The following KCNMA1 variants were observed in gnomAD, a reference collection of about 807,000 sequenced individuals.
The protein encoded by KCNMA1 is potassium calcium-activated channel subfamily M alpha 1.
KCNMA1 carries 29 observed loss-of-function variants against 140.0 expected under a neutral mutation model. The ratio of observed to expected loss-of-function variants is 0.21; its 90% confidence interval spans 0.15 to 0.28. KCNMA1 has a LOEUF of 0.28. Ranked by LOEUF, KCNMA1 falls within the 10% of genes least tolerant of loss-of-function variation. The pLI is 1.00. For synonymous variants in KCNMA1, 612 were observed against 611.9 expected (o/e 1.00, Z 0.00); for missense variants, 880 against 1,602.2 (o/e 0.55, Z 7.70).
intron 1 of KCNMA1, among the ~76,000 whole-genome samples, chr10:77,535,470 T>C (rs2058686326): frequency 6.6e-6 from 1 of 152,254 alleles, no homozygotes; most frequent in South Asian, 2.1e-4. Flanking sequence ...ACAGCCACTA[T>C]GGAAAACAGT....
At chr10:76,985,308 A>G (rs929956292) in intron 19 of KCNMA1, among the ~76,000 whole-genome samples, 2 of 152,250 alleles carry the variant, frequency 1.3e-5, no homozygotes, top group Non-Finnish European at 2.9e-5. Context: ...ACAACGTGTT[A>G]TTAAAAGCCA....
At chr10:77,205,290 A>G (rs909164993) in intron 3 of KCNMA1, among the ~76,000 whole-genome samples, 3 of 152,208 alleles carry the variant, frequency 2.0e-5, no homozygotes, top group Non-Finnish European at 4.4e-5. Flanking sequence ...CACGAAGCAT[A>G]CTAGGAGCAA....
At chr10:76,973,738 A>G (rs1451933077) in intron 19 of KCNMA1, among the ~76,000 whole-genome samples, 1 of 152,206 alleles carries the variant, frequency 6.6e-6, no homozygotes, top group Non-Finnish European at 1.5e-5. Flanking sequence ...GCTTACTTCA[A>G]AATGATTACA....
intron 3 of KCNMA1, among the ~76,000 whole-genome samples, chr10:77,214,199 A>G (rs2046994504): frequency 2.6e-5 from 4 of 151,990 alleles, no homozygotes; most frequent in Admixed American, 2.0e-4. Flanking sequence ...GCAAACTGCT[A>G]TTTTTCTTGA....
At chr10:76,968,267 A>G (rs2074737762) in intron 20 of KCNMA1, among the ~76,000 whole-genome samples, 1 of 152,156 alleles carries the variant, frequency 6.6e-6, no homozygotes, top group Admixed American at 6.5e-5. Flanking sequence ...AAAAGCCTCC[A>G]CCTCATACAG....
intron 1 of KCNMA1, among the ~76,000 whole-genome samples, chr10:77,413,360 G>T (rs2096663448): frequency 6.6e-6 from 1 of 151,984 alleles, no homozygotes; most frequent in Non-Finnish European, 1.5e-5. Flanking sequence ...GGTCTTCCGT[G>T]TCCCCCCTCC....
chr10:77,017,259 T>A (rs1305329063), intron 17 of KCNMA1, among the ~76,000 whole-genome samples: 6 of 152,164 alleles, frequency 3.9e-5, no homozygotes, highest in African/African-American at 1.4e-4. Context: ...ATACGTGATA[T>A]ATGGTTCTCC....
At chr10:77,545,435 G>A (rs1037456855) in intron 1 of KCNMA1, among the ~76,000 whole-genome samples, 1 of 152,162 alleles carries the variant, frequency 6.6e-6, no homozygotes, top group African/African-American at 2.4e-5. Context: ...CTCCACACAC[G>A]AATCACTGAG....
chr10:76,891,571 C>A lies in KCNMA1; in HGVS notation c.3296G>T (p.Arg1099Leu). 6.2e-7 allele frequency: 1 copy of A among 1,613,862 alleles called. No homozygotes were observed. The highest frequency in any genetic ancestry group is 8.5e-7 in the Non-Finnish European group (1 of 1,180,008). ...PQTLANRDRC[R>L]VAQLALLDGP... ...ATCGAGCAGAGCTAACTGGGCCACG[C>A]GGCAGCGGTCCCTATTGGCCAGTGT... Residue 1099 changes from arginine (R) to leucine (L), a missense_variant, in exon 26 of 28, where the codon CGC becomes CTC. By Grantham distance (102) the Arg-to-Leu change is moderately radical (BLOSUM62 -2). Coordinates refer to ENST00000286628, the MANE Select transcript of KCNMA1 (RefSeq NM_001161352.2).
intron 3 of KCNMA1, among the ~76,000 whole-genome samples, chr10:77,206,338 G>A (rs2044104253): frequency 6.6e-6 from 1 of 152,128 alleles, no homozygotes; most frequent in Non-Finnish European, 1.5e-5. Flanking sequence ...TGGATTCATT[G>A]TTTTTCTATT....
intron 20 of KCNMA1, among the ~76,000 whole-genome samples, chr10:76,956,592 A>G (rs1180578444): frequency 1.3e-5 from 2 of 152,186 alleles, no homozygotes; most frequent in Non-Finnish European, 2.9e-5. Context: ...AAAGCAATCA[A>G]TAAGAATCCC....
At chr10:77,491,850 G>A (rs898413741) in intron 1 of KCNMA1, among the ~76,000 whole-genome samples, 7 of 152,156 alleles carry the variant, frequency 4.6e-5, no homozygotes, top group Admixed American at 2.6e-4. Flanking sequence ...TTAGCCATTC[G>A]GTTATTTTTA....
chr10:77,416,988 T>C (rs1319476463), intron 1 of KCNMA1, among the ~76,000 whole-genome samples: 1 of 152,080 alleles, frequency 6.6e-6, no homozygotes, highest in Non-Finnish European at 1.5e-5. Context: ...CCGGCTGCCC[T>C]CCCCACTCGT....
chr10:77,597,889 G>A (rs1406233643), intron 1 of KCNMA1, among the ~76,000 whole-genome samples: 2 of 152,304 alleles, frequency 1.3e-5, no homozygotes, highest in South Asian at 2.1e-4. Flanking sequence ...ACAAAACAGG[G>A]AGGAACTTTA....
At position 76,885,140 on chromosome 10, in the gene KCNMA1, C is replaced by A. The variant is rs1293433902; in HGVS notation, c.*2126G>T. Reference sequence around the variant, plus strand: ...ATGTTCTGAGGGCGTAACTTTATAACCTCCTTTGCAAAGAATGCATGAAGA... The same window carrying A: ...ATGTTCTGAGGGCGTAACTTTATAAACTCCTTTGCAAAGAATGCATGAAGA... On this transcript the variant is annotated 3_prime_UTR_variant, in exon 28 of 28. Coordinates refer to ENST00000286628, the MANE Select transcript of KCNMA1 (RefSeq NM_001161352.2). The A allele has an allele frequency of 1.1e-5, 15 of 1,408,526 alleles. No individual in the cohort carries two copies. Among genetic ancestry groups the A allele is most frequent in the African/African-American group, 2.9e-5 (2 of 68,294 alleles). 87.3% of individuals were successfully genotyped at this position (1,408,526 alleles called of 1,614,324 possible).
chr10:77,448,646 C>T (rs1566913244), intron 1 of KCNMA1, among the ~76,000 whole-genome samples: 2 of 152,084 alleles, frequency 1.3e-5, no homozygotes, highest in South Asian at 4.2e-4. Context: ...TTTTCTTCTC[C>T]CTCCGTGTAC....
chr10:77,350,729 G>C (rs988047132), intron 2 of KCNMA1: 2 of 152,278 alleles, frequency 1.3e-5, no homozygotes, highest in South Asian at 2.1e-4. Flanking sequence ...CTCATATGGG[G>C]GTGGGGAGGG....
chr10:77,020,499 T>C (rs1408060904), intron 16 of KCNMA1: 1 of 152,234 alleles, frequency 6.6e-6, no homozygotes, highest in Non-Finnish European at 1.5e-5. Context: ...AAGATTTAAC[T>C]GTTCTGCCCT....
At chr10:76,981,707 G>A (rs2079512174) in intron 19 of KCNMA1, among the ~76,000 whole-genome samples, 1 of 152,200 alleles carries the variant, frequency 6.6e-6, no homozygotes, top group Non-Finnish European at 1.5e-5. Flanking sequence ...GGCCTTCCCA[G>A]ATGATTATGA....
Sources: allele counts gnomAD v4.1 joint callset (sites outside exome capture counted in the v4.1 genomes callset), GRCh38; gene constraint gnomAD v4.1.1; transcripts MANE v1.5; gene names NCBI Gene and HGNC (gene_info 2026-07-23, HGNC 2026-07-21).